Variants in AKR1B10 observed in about 807,000 individuals in gnomAD.
The protein encoded by AKR1B10 is ARP.
In AKR1B10, 39 loss-of-function variants were observed where a neutral mutation model predicts 38.9. The observed-to-expected ratio is 1.00, with a 90% confidence interval of 0.78 to 1.31. The LOEUF is 1.31. Among genes scored for constraint, AKR1B10 ranks in the 50% most tolerant of loss-of-function variants. AKR1B10 has a pLI of 0.00. For missense variants in AKR1B10, 361 were observed against 382.6 expected, an observed-to-expected ratio of 0.94 and a Z score of 0.47; for synonymous variants, 148 against 141.2, an observed-to-expected ratio of 1.05 and a Z score of -0.34.
In AKR1B10 at chr7:134,533,088, TC is replaced by T. The variant is rs1807906655; in HGVS notation, c.429+10del. 3.1e-6 allele frequency: 5 copies of T among 1,589,080 alleles called. No homozygotes were observed. The highest frequency in any genetic ancestry group is 4.3e-6 in the Non-Finnish European group (5 of 1,170,642). ...GTTCTTGGATGCCTGGGAGGTAGGT[TC>T]CCAGCTTCCTCTAAGTGTGCTGGGA... On this transcript the variant is annotated splice_region_variant and intron_variant, in intron 4 of 9. Transcript: ENST00000359579.
intron 4 of AKR1B10, among the ~76,000 whole-genome samples, chr7:134,534,007 A>G (rs1364145577): frequency 1.3e-5 from 2 of 152,214 alleles, no homozygotes; most frequent in African/African-American, 4.8e-5. Context: ...GTGTTTTACA[A>G]GCAAAAATAT....
Position 134,541,189 on chromosome 7 carries a change from C to T in AKR1B10, c.*100C>T. On this transcript the variant is annotated 3_prime_UTR_variant, in exon 10 of 10. Coordinates refer to ENST00000359579, the MANE Select transcript of AKR1B10 (RefSeq NM_020299.5). Reference sequence around the variant, plus strand: ...CATTTTAGCCAAGCTTATTTAAGATCACAGTGAACTTAGTCCTGTTATAGA... The same window carrying T: ...CATTTTAGCCAAGCTTATTTAAGATTACAGTGAACTTAGTCCTGTTATAGA... 1 of 914,678 alleles carries T rather than the reference C, an allele frequency of 1.1e-6. No homozygotes were observed. The highest frequency in any genetic ancestry group is 1.7e-6 in the Non-Finnish European group (1 of 586,472). 56.7% of individuals were successfully genotyped at this position (914,678 alleles called of 1,614,324 possible).
chr7:134,539,074 G>T (rs1562932304), intron 9 of AKR1B10, 57 bp downstream of exon 9: 10 of 1,595,090 alleles, frequency 6.3e-6, no homozygotes, highest in African/African-American at 1.3e-5. Flanking sequence ...AACTAATAGA[G>T]GGTTAGTTGG....
intron 7 of AKR1B10, among the ~76,000 whole-genome samples, chr7:134,537,963 C>T (rs546628887): frequency 1.4e-4 from 21 of 151,804 alleles, no homozygotes; most frequent in South Asian, 6.3e-4. Flanking sequence ...CTTATGACCC[C>T]CAAGCTACTT....
chr7:134,536,015 T>C (rs1243159198), intron 4 of AKR1B10, among the ~76,000 whole-genome samples: 3 of 152,232 alleles, frequency 2.0e-5, no homozygotes, highest in Non-Finnish European at 4.4e-5. Context: ...CCAGGAAGCA[T>C]GGCTGGATAT....
At chr7:134,532,589 C>A (rs1254259252) in intron 3 of AKR1B10, among the ~76,000 whole-genome samples, 1 of 152,132 alleles carries the variant, frequency 6.6e-6, no homozygotes, top group East Asian at 1.9e-4. Flanking sequence ...GATGGCCTGC[C>A]ACCCCTAATT....
chr7:134,528,531 CTGGGCAACA>C (rs533735757), intron 1 of AKR1B10, among the ~76,000 whole-genome samples: 1 of 152,276 alleles, frequency 6.6e-6, no homozygotes, highest in South Asian at 2.1e-4. Flanking sequence ...GGAGACCAGC[CTGGGCAACA>C]TGGCAAGAAT....
At chr7:134,529,348 T>C (rs1807785629) in intron 1 of AKR1B10, among the ~76,000 whole-genome samples, 1 of 152,198 alleles carries the variant, frequency 6.6e-6, no homozygotes, top group Non-Finnish European at 1.5e-5. Context: ...AAATCAGACC[T>C]TCAATCCTGT....
rs1808135007 is a variant in AKR1B10 at position 134,540,961 on chromosome 7, C to T, written c.909-86C>T. 9 of 964,036 alleles carry T rather than the reference C, an allele frequency of 9.3e-6. No individual in the cohort carries two copies. The Middle Eastern group carries it at 8.2e-4, about 88-fold the overall frequency. 59.7% of individuals were successfully genotyped at this position (964,036 alleles called of 1,614,324 possible). A position where few individuals can be genotyped will look rare whatever the true frequency, so the allele number is the denominator to read the frequency against. On this transcript the variant is annotated intron_variant, in intron 9 of 9. Coordinates refer to ENST00000359579, the MANE Select transcript of AKR1B10 (RefSeq NM_020299.5). The stretch of plus-strand genomic sequence containing the variant: ...AAGAGAGCACAAATATGATAGAGTC[C>T]ACCAGGGAAGAATACCTTCTCAACC...
chr7:134,540,451 A>G (rs537254937), intron 9 of AKR1B10, among the ~76,000 whole-genome samples: 1 of 152,276 alleles, frequency 6.6e-6, no homozygotes, highest in Non-Finnish European at 1.5e-5. Flanking sequence ...ATTTCTGGCA[A>G]TGGGTAGCAA....
At chr7:134,536,152 A>G (rs1345072937) in intron 4 of AKR1B10, among the ~76,000 whole-genome samples, 4 of 152,152 alleles carry the variant, frequency 2.6e-5, no homozygotes, top group Non-Finnish European at 4.4e-5. Flanking sequence ...GGGACTCAGG[A>G]CCCACAAGTG....
In AKR1B10 at chr7:134,527,954, A is replaced by G. The variant is rs781283353; in HGVS notation, c.43A>G (p.Ile15Val). The change falls in exon 1 of 10, where the codon ATT (isoleucine) becomes GTT (valine). Residue 15 changes from isoleucine to valine, a missense_variant. Physicochemically the swap from Ile to Val is conservative, Grantham distance 29. Around this residue, in one of 3 missense-constraint regions of AKR1B10, gnomAD observed 220 missense variants for 216.1 expected, o/e 1.02. Transcript: ENST00000359579. ...VELSTKAKMPIVGLGTWKSPL... is the reference protein window; with the variant it reads ...VELSTKAKMPVVGLGTWKSPL... ...GCTCAGTACCAAAGCCAAGATGCCC[A>G]TTGTGGGCCTGGGCACTTGGAAGGT... 3 of 1,614,000 alleles carry G rather than the reference A, an allele frequency of 1.9e-6. No homozygotes were observed. Among genetic ancestry groups the G allele is most frequent in the South Asian group, 1.1e-5 (1 of 91,076 alleles).
intron 2 of AKR1B10, 131 bp from the exon 3 acceptor site, chr7:134,531,777 T>G: frequency 9.9e-7 from 1 of 1,014,580 alleles, no homozygotes; most frequent in Non-Finnish European, 1.5e-6. Flanking sequence ...GTGTCGTGGA[T>G]CTTAATCAGC....
chr7:134,529,386 ATCTCC>A (rs1807786790), intron 1 of AKR1B10, among the ~76,000 whole-genome samples: 1 of 152,186 alleles, frequency 6.6e-6, no homozygotes, highest in Non-Finnish European at 1.5e-5. Context: ...TCACTTCCAG[ATCTCC>A]AGGGAATCTA....
chr7:134,538,366 A>T, intron 8 of AKR1B10, 89 bp downstream of exon 8: 1 of 1,315,214 alleles, frequency 7.6e-7, no homozygotes, highest in South Asian at 1.2e-5. Context: ...TCATCGCTGC[A>T]TTGTCTTTTG....
At chr7:134,533,322 T>C (rs940969115) in intron 4 of AKR1B10, among the ~76,000 whole-genome samples, 1 of 152,194 alleles carries the variant, frequency 6.6e-6, no homozygotes, top group Non-Finnish European at 1.5e-5. Context: ...CTTTGGGGAA[T>C]ACACATGCTG....
intron 3 of AKR1B10, among the ~76,000 whole-genome samples, chr7:134,532,337 G>A (rs1807883876): frequency 6.6e-6 from 1 of 152,070 alleles, no homozygotes; most frequent in African/African-American, 2.4e-5. Flanking sequence ...CACGCCCCAG[G>A]GTTGCCCTCC....
At chr7:134,540,705 C>T (rs567858465) in intron 9 of AKR1B10, among the ~76,000 whole-genome samples, 1 of 152,122 alleles carries the variant, frequency 6.6e-6, no homozygotes, top group East Asian at 1.9e-4. Context: ...CAGAACAATC[C>T]CCAAGCTGTC....
intron 1 of AKR1B10, among the ~76,000 whole-genome samples, chr7:134,530,277 T>C (rs887257887): frequency 6.6e-6 from 1 of 152,210 alleles, no homozygotes; most frequent in Non-Finnish European, 1.5e-5. Flanking sequence ...ATTTCAGGAC[T>C]AACCTGGATG....
Sources: allele counts gnomAD v4.1 joint callset (sites outside exome capture counted in the v4.1 genomes callset), GRCh38; gene constraint gnomAD v4.1.1; regional missense constraint gnomAD v4.1.1; transcripts MANE v1.5; gene names NCBI Gene and HGNC (gene_info 2026-07-23, HGNC 2026-07-21).